Variants in ROBO2 observed in about 807,000 individuals in gnomAD.
ROBO2 encodes roundabout homolog 2.
Under a neutral mutation model 160.8 loss-of-function variants are expected in ROBO2, and 53 were observed. The ratio of observed to expected loss-of-function variants is 0.33; its 90% CI spans 0.26 to 0.41. ROBO2 has a LOEUF of 0.41. Among genes scored for constraint, ROBO2 ranks in the 10% least tolerant of loss-of-function variants. The probability of loss-of-function intolerance (pLI) is 1.00; values close to 1 mark genes in which losing one functional copy is unlikely to be tolerated. For synonymous variants in ROBO2, 664 were observed against 611.7 expected, an observed-to-expected ratio of 1.09 and a Z score of -1.26; for missense variants, 1,577 against 1,722.4, an observed-to-expected ratio of 0.92 and a Z score of 1.49.
At chr3:76,873,927 A>C (rs2072418213) in intron 2 of ROBO2, among the ~76,000 whole-genome samples, 1 of 152,088 alleles carries the variant, frequency 6.6e-6, no homozygotes, top group Non-Finnish European at 1.5e-5. Flanking sequence ...TCCTAATTTG[A>C]TTATTGACCC....
chr3:77,632,479 A>G (rs1407618755), intron 23 of ROBO2: 7 of 1,530,616 alleles, frequency 4.6e-6, no homozygotes, highest in East Asian at 2.5e-5. Flanking sequence ...TTTAGGTTCA[A>G]TGGTAAATGG....
chr3:76,404,411 T>C (rs1232735787), intron 2 of ROBO2, among the ~76,000 whole-genome samples: 1 of 151,484 alleles, frequency 6.6e-6, no homozygotes, highest in Non-Finnish European at 1.5e-5. Context: ...TTGGAAGAAA[T>C]ACAAGTAGAG....
intron 2 of ROBO2, among the ~76,000 whole-genome samples, chr3:76,988,733 C>T (rs971126022): frequency 2.0e-5 from 3 of 152,028 alleles, no homozygotes; most frequent in African/African-American, 4.8e-5. Flanking sequence ...TGCCTCTGAT[C>T]CTTTGCTCTG....
intron 2 of ROBO2, among the ~76,000 whole-genome samples, chr3:76,851,778 C>T (rs1309298094): frequency 6.8e-6 from 1 of 147,630 alleles, no homozygotes; most frequent in Non-Finnish European, 1.5e-5. Context: ...TTAACATGTG[C>T]TTGAATATAG....
At chr3:76,902,888 AT>A (rs1364300468) in intron 2 of ROBO2, among the ~76,000 whole-genome samples, 1 of 151,830 alleles carries the variant, frequency 6.6e-6, no homozygotes, top group African/African-American at 2.4e-5. Flanking sequence ...ATGTTATATA[AT>A]AATAATAATA....
chr3:76,055,717 T>C (rs1318974748), intron 2 of ROBO2, among the ~76,000 whole-genome samples: 3 of 151,994 alleles, frequency 2.0e-5, no homozygotes, highest in African/African-American at 7.2e-5. Flanking sequence ...TATGTATACT[T>C]TTTTTTTATC....
chr3:76,219,980 T>C (rs1159831913), intron 2 of ROBO2, among the ~76,000 whole-genome samples: 2 of 151,888 alleles, frequency 1.3e-5, no homozygotes, highest in African/African-American at 4.8e-5. Flanking sequence ...ATATACACCA[T>C]GGAATACTAT....
rs1278835497 is a variant in ROBO2 at position 75,928,077 on chromosome 3, C to A, written c.-13-9404C>A. Among the ~76,000 whole-genome samples the A allele has an allele frequency of 2.0e-4, 29 of 146,174 alleles. 1 individual carries two copies. In the South Asian group the frequency reaches 2.4e-3, roughly 12 times the overall value. ...TCAGCTCACTGCAAGCTCCGCCTCC[C>A]GGGTTCACGCCATTCTCCTGCCCCA... On this transcript the variant is annotated intron_variant, in intron 1 of 26. Coordinates refer to the ROBO2 transcript ENST00000487694.
At chr3:76,928,653 A>G (rs1343653396) in intron 2 of ROBO2, among the ~76,000 whole-genome samples, 1 of 152,046 alleles carries the variant, frequency 6.6e-6, no homozygotes, top group African/African-American at 2.4e-5. Context: ...GGTCTCAACA[A>G]TTCTACCAAC....
chr3:76,979,117 G>GT (rs1259681450), intron 2 of ROBO2, among the ~76,000 whole-genome samples: 1 of 151,670 alleles, frequency 6.6e-6, no homozygotes, highest in Non-Finnish European at 1.5e-5. Flanking sequence ...TATTTTTTGT[G>GT]TTTTTTTGTG....
intron 1 of ROBO2, among the ~76,000 whole-genome samples, chr3:75,910,143 G>A (rs6803458): frequency 0.84 from 127,098 of 152,126 alleles, 53,155 homozygotes; most frequent in East Asian, 0.93. Flanking sequence ...TTAATGCCCT[G>A]GAGTTTCTGT....
chr3:76,156,080 C>CA (rs771939601), intron 2 of ROBO2, among the ~76,000 whole-genome samples: 35 of 151,038 alleles, frequency 2.3e-4, no homozygotes, highest in Non-Finnish European at 4.9e-4. Flanking sequence ...TCATTTTTGA[C>CA]AATTTTTTTT....
intron 2 of ROBO2, among the ~76,000 whole-genome samples, chr3:76,583,668 C>T: frequency 6.6e-6 from 1 of 152,162 alleles, no homozygotes; most frequent in African/African-American, 2.4e-5. Flanking sequence ...CAGTGTTTTC[C>T]ACTGAGTCTA....
intron 2 of ROBO2, among the ~76,000 whole-genome samples, chr3:76,439,810 C>T (rs954196703): frequency 2.0e-5 from 3 of 152,040 alleles, no homozygotes; most frequent in African/African-American, 7.2e-5. Flanking sequence ...TTAGAATTTC[C>T]TCCTACCCTC....
rs575030206 is a variant in ROBO2, at chr3:76,640,883, G to A, written c.110-457131G>A. ...AGGACAGAAGAGCCAACCTGAGGGAGTGCACAGTGGCCAAAGCCAAGATCA... is the reference window on the plus strand; with the variant it reads ...AGGACAGAAGAGCCAACCTGAGGGAATGCACAGTGGCCAAAGCCAAGATCA... On this transcript the variant is annotated intron_variant, in intron 2 of 26. Coordinates refer to the ROBO2 transcript ENST00000487694. Among the ~76,000 whole-genome samples the A allele has an allele frequency of 2.0e-5, 3 of 152,310 alleles. No homozygotes were observed. In the East Asian group the frequency reaches 5.8e-4, roughly 29 times the overall value.
chr3:76,491,304 A>T (rs1463860809), intron 2 of ROBO2, among the ~76,000 whole-genome samples: 1 of 152,148 alleles, frequency 6.6e-6, no homozygotes. Context: ...GCCGTAGAGC[A>T]TATGATCTCC....
At chr3:77,561,126 T>C (rs561480852) in intron 9 of ROBO2, among the ~76,000 whole-genome samples, 2 of 152,246 alleles carry the variant, frequency 1.3e-5, no homozygotes, top group African/African-American at 4.8e-5. Flanking sequence ...TTAAAATACA[T>C]AATGGCATTT....
At chr3:76,656,942 T>C (rs2091554349) in intron 2 of ROBO2, among the ~76,000 whole-genome samples, 2 of 152,160 alleles carry the variant, frequency 1.3e-5, no homozygotes, top group Middle Eastern at 3.4e-3. Flanking sequence ...TTTAACTGGC[T>C]CTCTATTTAG....
intron 2 of ROBO2, among the ~76,000 whole-genome samples, chr3:76,881,209 G>C (rs1342411986): frequency 6.6e-6 from 1 of 152,126 alleles, no homozygotes; most frequent in Admixed American, 6.5e-5. Flanking sequence ...TCAGAGTGCG[G>C]AGAATTATAC....
Sources: gnomAD v4.1 joint callset for allele counts (sites outside exome capture counted in the v4.1 genomes callset) on GRCh38, gnomAD v4.1.1 for gene constraint, MANE v1.5 for transcripts, NCBI Gene and HGNC (gene_info 2026-07-23, HGNC 2026-07-21) for gene names.